Variants in SLC6A3 observed in about 807,000 individuals in gnomAD.
SLC6A3 encodes sodium-dependent dopamine transporter.
SLC6A3 carries 19 observed loss-of-function variants against 70.4 expected under a neutral mutation model. That is an observed-to-expected ratio of 0.27 (90% confidence interval 0.19 to 0.40). The LOEUF is 0.40. Among genes scored for constraint, SLC6A3 ranks in the 10% least tolerant of loss-of-function variants. The pLI is 1.00. For missense variants in SLC6A3, 613 were observed against 838.5 expected (o/e 0.73, Z 3.32); for synonymous variants, 368 against 356.6 (o/e 1.03, Z -0.36).
rs1370471503 is a variant in SLC6A3 at position 1,421,051 on chromosome 5, G to A, written c.793-348C>T. ...ACACTGGTGAACGGCACTGTGGCAC[G>A]ATGAAGGGCTGCTCTGGGCTGTGTC... is the stretch of plus-strand genomic sequence containing the variant. On this transcript the variant is annotated intron_variant, in intron 5 of 14. Transcript: ENST00000270349. This position sits in a 1 kb window ranked among gnomAD's most constrained non-coding sequence, Gnocchi z 7.2. Among the ~76,000 whole-genome samples the A allele has an allele frequency of 6.6e-6, 1 of 152,158 alleles. No individual in the cohort carries two copies. Among genetic ancestry groups the A allele is most frequent in the Non-Finnish European group, 1.5e-5 (1 of 68,032 alleles).
intron 10 of SLC6A3, 144 bp downstream of exon 10, chr5:1,409,577 C>A: frequency 1.1e-6 from 1 of 930,074 alleles, no homozygotes; most frequent in Admixed American, 1.7e-5. Flanking sequence ...TGCACTGCTA[C>A]GAGTCATTTT....
intron 1 of SLC6A3, 125 bp from the exon 2 acceptor site, chr5:1,443,367 T>C (rs1733728020): frequency 2.6e-6 from 2 of 778,766 alleles, no homozygotes; most frequent in East Asian, 2.6e-5. Context: ...TGGGAAGGGA[T>C]GGGTGCGTTC....
chr5:1,406,194 A>G lies in SLC6A3; in HGVS notation c.1593T>C (p.Phe531=). 6.2e-7 allele frequency: 1 copy of G among 1,611,114 alleles called. No homozygotes were observed. The highest frequency in any genetic ancestry group is 8.5e-7 in the Non-Finnish European group (1 of 1,178,346). ...RLCWKLVSPC[F]LLFVVVVSIV... ...GTGGCCCGAGGTCCCTTACCAGGAGAAAGCAGGGGCTGACCAGCTTCCAGC... is the reference window on the plus strand; with the variant it reads ...GTGGCCCGAGGTCCCTTACCAGGAGGAAGCAGGGGCTGACCAGCTTCCAGC... Residue 531 remains phenylalanine, a synonymous_variant, in exon 12 of 15, where the codon TTT becomes TTC. Coordinates refer to ENST00000270349, the MANE Select transcript of SLC6A3 (RefSeq NM_001044.5). The surrounding 1 kb of genome is among the most constrained non-coding windows in gnomAD (Gnocchi z 8.8).
At position 1,404,156 on chromosome 5, in the gene SLC6A3, G is replaced by C. The variant is rs781392869; in HGVS notation, c.1600-1067C>G. On this transcript the variant is annotated intron_variant, in intron 12 of 14. Coordinates refer to ENST00000270349, the MANE Select transcript of SLC6A3 (RefSeq NM_001044.5). This position sits in a 1 kb window ranked among gnomAD's most constrained non-coding sequence, Gnocchi z 5.2. ...CATGTTGGACGCGTGTCTCATGCCA[G>C]TCTCAGCATCTTCTTCATGCGCTAC... 4.6e-5 allele frequency among the ~76,000 whole-genome samples: 7 copies of C among 152,256 alleles called. No individual in the cohort carries two copies. Among genetic ancestry groups the C allele is most frequent in the Non-Finnish European group, 8.8e-5 (6 of 68,044 alleles).
Position 1,441,880 on chromosome 5 carries a change from A to AC in SLC6A3, c.287-391dup, listed in dbSNP as rs545275490. Among the ~76,000 whole-genome samples, 129 of 151,088 alleles carry AC rather than the reference A, an allele frequency of 8.5e-4. 3 individuals carry two copies. In the South Asian group the frequency reaches 0.026, roughly 31 times the overall value. ...TTGCCTCTTGAGTTGTGAATCTGTG[A>AC]CCCCCCAACTCTGCCCCTGAGCTGA... On this transcript the variant is annotated intron_variant, in intron 2 of 14. Coordinates refer to ENST00000270349, the MANE Select transcript of SLC6A3 (RefSeq NM_001044.5).
rs1560926398 is a variant in SLC6A3 at position 1,438,458 on chromosome 5, A to G, written c.418+2901T>C. On this transcript the variant is annotated intron_variant, in intron 3 of 14. Coordinates refer to ENST00000270349, the MANE Select transcript of SLC6A3 (RefSeq NM_001044.5). The surrounding 1 kb of genome is among the most constrained non-coding windows in gnomAD (Gnocchi z 6.5). Reference sequence around the variant, plus strand: ...CCGCCGGCTGCATTTCTTCAGAACGAGGTGCCACTGCTCACGCTGATGGAA... The same window carrying G: ...CCGCCGGCTGCATTTCTTCAGAACGGGGTGCCACTGCTCACGCTGATGGAA... 6.6e-6 allele frequency among the ~76,000 whole-genome samples: 1 copy of G among 152,352 alleles called. No individual in the cohort carries two copies. Among genetic ancestry groups the G allele is most frequent in the East Asian group, 1.9e-4 (1 of 5,180 alleles).
chr5:1,421,935 C>A lies in SLC6A3; in HGVS notation c.733G>T (p.Val245Leu). The change falls in exon 5 of 15, where the codon GTG (valine) becomes TTG (leucine). Residue 245 changes from valine (V) to leucine (L), a missense_variant. By Grantham distance (32) the Val-to-Leu change is conservative (BLOSUM62 1). Transcript: ENST00000270349. This position sits in a 1 kb window ranked among gnomAD's most constrained non-coding sequence, Gnocchi z 7.2. Reference sequence around the variant, plus strand: ...AAGTAGAGCAGCACGATGACCAGCACCAGGCAGGCTGTGAGCTGCCACCGC... The same window carrying A: ...AAGTAGAGCAGCACGATGACCAGCAACAGGCAGGCTGTGAGCTGCCACCGC... ...PPRWQLTACL[V>L]LVIVLLYFSL... 1 of 1,613,292 alleles carries A rather than the reference C, an allele frequency of 6.2e-7. No homozygotes were observed. The highest frequency in any genetic ancestry group is 8.5e-7 in the Non-Finnish European group (1 of 1,180,028).
chr5:1,409,593 G>A (rs1756064786), intron 10 of SLC6A3, 128 bp downstream of exon 10: 7 of 1,055,696 alleles, frequency 6.6e-6, no homozygotes, highest in African/African-American at 1.6e-5. Flanking sequence ...ATTTTCTGGG[G>A]TGGGTGGGTT....
Position 1,394,844 on chromosome 5 carries a change from A to G in SLC6A3, c.1840-86T>C. On this transcript the variant is annotated intron_variant, in intron 14 of 14. Transcript: ENST00000270349. The surrounding 1 kb of genome is among the most constrained non-coding windows in gnomAD (Gnocchi z 4.7). ...AAGGTGGCTAAGAGCAGCTGAAGGC[A>G]GTGAGCAGACAGTTTGCAGCCTCCT... 2 of 1,470,126 alleles carry G rather than the reference A, an allele frequency of 1.4e-6. No homozygotes were observed. Among genetic ancestry groups the G allele is most frequent in the African/African-American group, 1.4e-5 (1 of 72,194 alleles). 91.1% of individuals were successfully genotyped at this position (1,470,126 alleles called of 1,614,324 possible).
intron 10 of SLC6A3, 35 bp downstream of exon 10, chr5:1,409,686 G>A: frequency 6.2e-7 from 1 of 1,612,110 alleles, no homozygotes; most frequent in Non-Finnish European, 8.5e-7. Flanking sequence ...AAGGAGACAT[G>A]ACCAGGAGAA....
intron 14 of SLC6A3, among the ~76,000 whole-genome samples, chr5:1,400,112 G>A (rs1755810083): frequency 6.6e-6 from 1 of 152,236 alleles, no homozygotes; most frequent in Non-Finnish European, 1.5e-5. Flanking sequence ...ATTGGACTCT[G>A]CTGTCGGCAT....
chr5:1,407,914 C>T (rs908459878), intron 11 of SLC6A3, among the ~76,000 whole-genome samples: 8 of 152,190 alleles, frequency 5.3e-5, no homozygotes, highest in Admixed American at 2.6e-4. Flanking sequence ...AGAAAATGAC[C>T]CCCTTGTTTG....
rs908216401 is a variant in SLC6A3 at position 1,406,519 on chromosome 5, C to T, written c.1499-231G>A. Among the ~76,000 whole-genome samples, 6 of 152,202 alleles carry T rather than the reference C, an allele frequency of 3.9e-5. No homozygotes were observed. Among genetic ancestry groups the T allele is most frequent in the South Asian group, 2.1e-4 (1 of 4,836 alleles). ...ACCCTGGAGATGCACCAGGAAGAGC[C>T]GTGCCCCGGTGGGTGCTCCCCGCGC... On this transcript the variant is annotated intron_variant, in intron 11 of 14. Coordinates refer to ENST00000270349, the MANE Select transcript of SLC6A3 (RefSeq NM_001044.5). This position sits in a 1 kb window ranked among gnomAD's most constrained non-coding sequence, Gnocchi z 8.8.
Position 1,394,626 on chromosome 5 carries a change from G to A in SLC6A3, c.*109C>T. The A allele has an allele frequency of 9.5e-7, 1 of 1,050,000 alleles. No individual in the cohort carries two copies. Among genetic ancestry groups the A allele is most frequent in the East Asian group, 2.4e-5 (1 of 42,472 alleles). The allele number at this position is 1,050,000 out of a possible 1,614,324, so 65.0% of individuals were successfully genotyped here. A position where few individuals can be genotyped will look rare whatever the true frequency, so the allele number is the denominator to read the frequency against. On this transcript the variant is annotated 3_prime_UTR_variant, in exon 15 of 15. Coordinates refer to ENST00000270349, the MANE Select transcript of SLC6A3 (RefSeq NM_001044.5). The surrounding 1 kb of genome is among the most constrained non-coding windows in gnomAD (Gnocchi z 4.7). The stretch of plus-strand genomic sequence containing the variant: ...TTTGTTGTTTGTGTTTTCAGTAGAG[G>A]TTGAAGAGTAGAAGTTGCCCTCCTT...
chr5:1,408,278 G>A lies in SLC6A3; in HGVS notation c.1498+748C>T, dbSNP rs373538763. On this transcript the variant is annotated intron_variant, in intron 11 of 14. Transcript: ENST00000270349. The surrounding 1 kb of genome is among the most constrained non-coding windows in gnomAD (Gnocchi z 6.4). ...AGGATGGTCTTGATCTCTTGATCTC[G>A]TGATCTGCCCACCTCGGCCTCCCAA... is the stretch of plus-strand genomic sequence containing the variant. Among the ~76,000 whole-genome samples, 17 of 146,860 alleles carry A rather than the reference G, an allele frequency of 1.2e-4. No homozygotes were observed. The highest frequency in any genetic ancestry group is 3.3e-4 in the African/African-American group (13 of 39,190).
At chr5:1,424,002 C>G (rs1469346419) in intron 4 of SLC6A3, among the ~76,000 whole-genome samples, 3 of 152,210 alleles carry the variant, frequency 2.0e-5, no homozygotes, top group African/African-American at 7.2e-5. Context: ...AGGGCCATGT[C>G]CCAGGAATTC....
chr5:1,401,036 C>G lies in SLC6A3; in HGVS notation c.1768-50G>C, dbSNP rs578250833. On this transcript the variant is annotated intron_variant, in intron 13 of 14. Coordinates refer to ENST00000270349, the MANE Select transcript of SLC6A3 (RefSeq NM_001044.5). The surrounding 1 kb of genome is among the most constrained non-coding windows in gnomAD (Gnocchi z 6.1). ...GTCAGTGCAGACCAGTACCCACTGCCAGCACCCACCACTGACTCACACTGC... is the reference window on the plus strand; with the variant it reads ...GTCAGTGCAGACCAGTACCCACTGCGAGCACCCACCACTGACTCACACTGC... 10 of 1,361,860 alleles carry G rather than the reference C, an allele frequency of 7.3e-6. No individual in the cohort carries two copies. The South Asian group carries it at 1.2e-4, about 17-fold the overall frequency. The allele number at this position is 1,361,860 out of a possible 1,614,324, so 84.4% of individuals were successfully genotyped here.
intron 9 of SLC6A3, among the ~76,000 whole-genome samples, chr5:1,410,944 G>C (rs1224335864): frequency 6.6e-6 from 1 of 151,878 alleles, no homozygotes; most frequent in Non-Finnish European, 1.5e-5. Flanking sequence ...GTATGTGTGT[G>C]CGTGTATGTG....
In SLC6A3 at chr5:1,397,438, A is replaced by T. The variant is rs2126311267; in HGVS notation, c.1840-2680T>A. 6.6e-6 allele frequency among the ~76,000 whole-genome samples: 1 copy of T among 151,578 alleles called. No homozygotes were observed. The highest frequency in any genetic ancestry group is 2.3e-4 in the South Asian group (1 of 4,376). On this transcript the variant is annotated intron_variant, in intron 14 of 14. Transcript: ENST00000270349. This position sits in a 1 kb window ranked among gnomAD's most constrained non-coding sequence, Gnocchi z 4.7. ...AGAGCGAGACTCCGTCTCAAAACAAACAAACAAACAAACAAACAAACAAAA... is the reference window on the plus strand; with the variant it reads ...AGAGCGAGACTCCGTCTCAAAACAATCAAACAAACAAACAAACAAACAAAA...
Sources: gnomAD v4.1 joint callset for allele counts (sites outside exome capture counted in the v4.1 genomes callset) on GRCh38, gnomAD v4.1.1 for gene constraint, Gnocchi (gnomAD v3.1) non-coding constraint, MANE v1.5 for transcripts, NCBI Gene and HGNC (gene_info 2026-07-23, HGNC 2026-07-21) for gene names.